Variants in CNTNAP2 observed in about 807,000 individuals in gnomAD.
The protein encoded by CNTNAP2 is contactin associated protein 2.
In CNTNAP2, 98 loss-of-function variants were observed where a neutral mutation model predicts 155.2. The observed-to-expected ratio is 0.63, with a 90% CI of 0.54 to 0.75. The LOEUF (loss-of-function observed/expected upper bound fraction) is 0.75, where lower values mean the gene tolerates loss of function less well. CNTNAP2 is among the 30% of genes least tolerant of loss of function. The probability of loss-of-function intolerance (pLI) is 0.00; values close to 1 mark genes in which losing one functional copy is unlikely to be tolerated. For missense variants in CNTNAP2, 1,727 were observed against 1,688.1 expected, an observed-to-expected ratio of 1.02 and a Z score of -0.40; for synonymous variants, 651 against 631.2, an observed-to-expected ratio of 1.03 and a Z score of -0.47.
At chr7:147,272,678 T>TTTTTG (rs1748789793) in intron 8 of CNTNAP2, among the ~76,000 whole-genome samples, 1 of 151,262 alleles carries the variant, frequency 6.6e-6, no homozygotes, top group South Asian at 2.1e-4. Flanking sequence ...TTTTTTTTTT[T>TTTTTG]TTGTATTTGT....
chr7:146,834,893 A>C (rs1022949139), intron 2 of CNTNAP2, among the ~76,000 whole-genome samples: 2 of 152,116 alleles, frequency 1.3e-5, no homozygotes, highest in African/African-American at 4.8e-5. Context: ...CACATTTCAC[A>C]AGCCAAGTAA....
intron 15 of CNTNAP2, among the ~76,000 whole-genome samples, chr7:148,006,045 A>G (rs557292419): frequency 2.0e-5 from 3 of 152,122 alleles, no homozygotes; most frequent in Non-Finnish European, 2.9e-5. Flanking sequence ...CATAGTCGTG[A>G]TCTTAGAAAA....
Position 147,513,261 on chromosome 7 carries a change from A to G in CNTNAP2, c.1777+27220A>G, listed in dbSNP as rs976526718. ...TTTACTGTATTTTAAATCTGTACTC[A>G]TATTTGAAATACCTATTTGTTTGTC... On this transcript the variant is annotated intron_variant, in intron 11 of 23. Coordinates refer to ENST00000361727, the MANE Select transcript of CNTNAP2 (RefSeq NM_014141.6). Among the ~76,000 whole-genome samples the G allele has an allele frequency of 3.9e-5, 6 of 152,206 alleles. No homozygotes were observed. In the South Asian group the frequency reaches 6.2e-4, roughly 16 times the overall value.
chr7:147,617,236 T>A (rs1056205780), intron 12 of CNTNAP2, among the ~76,000 whole-genome samples: 1 of 152,178 alleles, frequency 6.6e-6, no homozygotes, highest in African/African-American at 2.4e-5. Flanking sequence ...AGCTGGGTTA[T>A]ATGGACCTTT....
intron 13 of CNTNAP2, among the ~76,000 whole-genome samples, chr7:147,852,190 A>C (rs1584991134): frequency 6.6e-6 from 1 of 152,294 alleles, no homozygotes; most frequent in South Asian, 2.1e-4. Flanking sequence ...TTATGTAGTT[A>C]ATTATTACAT....
chr7:146,538,472 G>T (rs190064959), intron 1 of CNTNAP2, among the ~76,000 whole-genome samples: 1 of 151,882 alleles, frequency 6.6e-6, no homozygotes, highest in Non-Finnish European at 1.5e-5. Flanking sequence ...CACAGGGAGG[G>T]GTGCCATAGC....
intron 1 of CNTNAP2, among the ~76,000 whole-genome samples, chr7:146,163,563 C>CTATATATCTA (rs1327587717): frequency 2.4e-4 from 31 of 127,550 alleles, no homozygotes; most frequent in Non-Finnish European, 3.9e-4. Flanking sequence ...ATATCTATAT[C>CTATATATCTA]TATCTATATC....
At chr7:147,101,397 A>G (rs1011418235) in intron 4 of CNTNAP2, among the ~76,000 whole-genome samples, 2 of 152,148 alleles carry the variant, frequency 1.3e-5, no homozygotes, top group Non-Finnish European at 2.9e-5. Flanking sequence ...GGTGAGCTGG[A>G]GCGAGCGCTT....
chr7:147,208,634 T>C (rs1304965050), intron 8 of CNTNAP2, among the ~76,000 whole-genome samples: 2 of 152,054 alleles, frequency 1.3e-5, no homozygotes, highest in South Asian at 2.1e-4. Flanking sequence ...GGTTTAAAAA[T>C]TATAATTCTA....
intron 13 of CNTNAP2, among the ~76,000 whole-genome samples, chr7:147,657,600 T>G (rs1240891155): frequency 6.6e-6 from 1 of 152,070 alleles, no homozygotes; most frequent in Non-Finnish European, 1.5e-5. Context: ...ATATATAAAA[T>G]ATGTGCAGGC....
intron 1 of CNTNAP2, among the ~76,000 whole-genome samples, chr7:146,369,827 T>C (rs1238100868): frequency 6.6e-6 from 1 of 152,150 alleles, no homozygotes. Context: ...AAGTTACTGT[T>C]TATCTTTGAG....
At chr7:146,761,093 A>G (rs1048097696) in intron 1 of CNTNAP2, among the ~76,000 whole-genome samples, 1 of 152,126 alleles carries the variant, frequency 6.6e-6, no homozygotes, top group Non-Finnish European at 1.5e-5. Flanking sequence ...TGTAGATTCA[A>G]TGATCGCCAC....
At chr7:147,236,704 G>C (rs183611041) in intron 8 of CNTNAP2, among the ~76,000 whole-genome samples, 57 of 152,016 alleles carry the variant, frequency 3.7e-4, no homozygotes, top group Middle Eastern at 3.4e-3. Flanking sequence ...CAACAATCTA[G>C]TCAACTCCTG....
In CNTNAP2 at chr7:147,721,869, A is replaced by C. The variant is rs549039090; in HGVS notation, c.2098+82563A>C. On this transcript the variant is annotated intron_variant, in intron 13 of 23. Transcript: ENST00000361727. ...TATACCTCCATCATTTCCAAGCATC[A>C]GTCAAGTTCTGAAACACGGACTTCT... Among the ~76,000 whole-genome samples, 38 of 152,240 alleles carry C rather than the reference A, an allele frequency of 2.5e-4. No homozygotes were observed. In the South Asian group the frequency reaches 7.5e-3, roughly 30 times the overall value.
intron 5 of CNTNAP2, among the ~76,000 whole-genome samples, chr7:147,116,671 A>G (rs1800996743): frequency 6.6e-6 from 1 of 150,526 alleles, no homozygotes; most frequent in Non-Finnish European, 1.5e-5. Flanking sequence ...CTGTGGAATG[A>G]CTGAATTGTC....
intron 9 of CNTNAP2, among the ~76,000 whole-genome samples, chr7:147,394,903 T>C (rs1796786334): frequency 1.3e-5 from 2 of 150,786 alleles, no homozygotes; most frequent in Admixed American, 6.6e-5. Flanking sequence ...TATTTACTAG[T>C]ATATATACCA....
intron 13 of CNTNAP2, among the ~76,000 whole-genome samples, chr7:147,675,416 G>C (rs191894199): frequency 6.6e-6 from 1 of 152,154 alleles, no homozygotes; most frequent in East Asian, 1.9e-4. Flanking sequence ...ACAGAACCAA[G>C]GGGATATCTA....
At chr7:147,987,797 T>C (rs11979926) in intron 15 of CNTNAP2, among the ~76,000 whole-genome samples, 10,187 of 152,088 alleles carry the variant, frequency 0.067, 758 homozygotes, top group African/African-American at 0.19. Flanking sequence ...CAGGTTCAAG[T>C]GATTCTCCTG....
chr7:147,761,339 T>C (rs996971245), intron 13 of CNTNAP2, among the ~76,000 whole-genome samples: 24 of 152,314 alleles, frequency 1.6e-4, no homozygotes, highest in African/African-American at 5.3e-4. Flanking sequence ...CCTAATCACT[T>C]TCCTCTTTCC....
Sources: gnomAD v4.1 joint callset for allele counts (sites outside exome capture counted in the v4.1 genomes callset) on GRCh38, gnomAD v4.1.1 for gene constraint, MANE v1.5 for transcripts, NCBI Gene and HGNC (gene_info 2026-07-23, HGNC 2026-07-21) for gene names.